Variants in HIVEP1 observed in about 807,000 individuals in gnomAD.
HIVEP1 encodes zinc finger protein 40.
A neutral mutation model predicts 180.0 loss-of-function variants in HIVEP1; 36 were observed. The ratio of observed to expected loss-of-function variants is 0.20; its 90% CI spans 0.15 to 0.26. HIVEP1 has a LOEUF of 0.26. Among genes scored for constraint, HIVEP1 ranks in the 10% least tolerant of loss-of-function variants. HIVEP1 has a pLI of 1.00. For missense variants in HIVEP1, 3,143 were observed against 3,268.7 expected (o/e 0.96, Z 0.94); for synonymous variants, 1,239 against 1,239.0 (o/e 1.00, Z 0.00).
chr6:12,187,677 C>G, the HIVEP1 span, among the ~76,000 whole-genome samples: 1 of 150,988 alleles, frequency 6.6e-6, no homozygotes, highest in Non-Finnish European at 1.5e-5. Flanking sequence ...ACTGCAACCT[C>G]TGACTCCAGG....
downstream of HIVEP1, among the ~76,000 whole-genome samples, chr6:12,168,660 C>T (rs1760823192): frequency 6.6e-6 from 1 of 151,714 alleles, no homozygotes; most frequent in African/African-American, 2.4e-5. Context: ...TCTTATGATG[C>T]TGGGCAGCAG....
At chr6:12,049,707 A>G (rs1452631557) in intron 2 of HIVEP1, among the ~76,000 whole-genome samples, 3 of 152,258 alleles carry the variant, frequency 2.0e-5, no homozygotes, top group Non-Finnish European at 4.4e-5. Flanking sequence ...AAACTTATTT[A>G]AAAACAAATT....
At chr6:12,022,143 T>C (rs971966605) in intron 2 of HIVEP1, among the ~76,000 whole-genome samples, 1 of 152,234 alleles carries the variant, frequency 6.6e-6, no homozygotes, top group African/African-American at 2.4e-5. Flanking sequence ...TTGTTAACTT[T>C]TGTTTTATAT....
chr6:12,126,882 A>G (rs1194387484), intron 4 of HIVEP1, among the ~76,000 whole-genome samples: 3 of 152,018 alleles, frequency 2.0e-5, no homozygotes, highest in Non-Finnish European at 4.4e-5. Context: ...TTTTCGAGAC[A>G]GAATCTCACT....
Position 12,163,971 on chromosome 6 carries a change from C to T in HIVEP1, c.7667C>T (p.Pro2556Leu). The T allele has an allele frequency of 6.2e-7, 1 of 1,614,096 alleles. No homozygotes were observed. Among genetic ancestry groups the T allele is most frequent in the South Asian group, 1.1e-5 (1 of 91,082 alleles). The change falls in exon 9 of 9, where the codon CCC (proline) becomes CTC (leucine). Residue 2556 changes from proline (P) to leucine (L), a missense_variant. By Grantham distance (98) the Pro-to-Leu change is moderately conservative. Transcript: ENST00000379388. ...ILNIALPTLI[P>L]SVSQVAVDAQ... The stretch of plus-strand genomic sequence containing the variant: ...AACATAGCATTGCCCACCTTAATCC[C>T]CTCAGTCAGTCAAGTAGCCGTTGAT...
chr6:12,066,706 C>G (rs1298286354), intron 2 of HIVEP1, among the ~76,000 whole-genome samples: 1 of 152,120 alleles, frequency 6.6e-6, no homozygotes, highest in South Asian at 2.1e-4. Context: ...TAAATTTTAT[C>G]ATAAATAAAT....
At position 12,129,773 on chromosome 6, in the gene HIVEP1, T is replaced by C; in HGVS notation, c.6090T>C (p.Asn2030=). ...TTTCCTTTCAGAGAGCATTAGGTAA[T>C]CAAAAGTCCACAGTAGTTGAATTCA... The part of the protein sequence containing the change: ...KSSLSKRALG[N]QKSTVVEFSN... Residue 2030 remains asparagine, a synonymous_variant, in exon 5 of 9, where the codon AAT becomes AAC. Coordinates refer to ENST00000379388, the MANE Select transcript of HIVEP1 (RefSeq NM_002114.4). 1 of 1,604,654 alleles carries C rather than the reference T, an allele frequency of 6.2e-7. No individual in the cohort carries two copies. The highest frequency in any genetic ancestry group is 8.5e-7 in the Non-Finnish European group (1 of 1,171,686).
Position 12,089,167 on chromosome 6 carries a change from TTC to T in HIVEP1, c.41-13_41-12del, listed in dbSNP as rs1773296166. The T allele has an allele frequency of 7.2e-7, 1 of 1,392,380 alleles. No individual in the cohort carries two copies. The highest frequency in any genetic ancestry group is 1.4e-5 in the African/African-American group (1 of 69,864). The allele number at this position is 1,392,380 out of a possible 1,614,324, so 86.3% of individuals were successfully genotyped here. ...TTAAGGTAAATTAATTTATAAATTT[TTC>T]TCTGTTTTTCTTAGACAAAATTGAA... On this transcript the variant is annotated splice_polypyrimidine_tract_variant and intron_variant, in intron 2 of 8. Transcript: ENST00000379388.
the HIVEP1 span, among the ~76,000 whole-genome samples, chr6:12,195,866 T>C: frequency 5.9e-5 from 9 of 152,372 alleles, no homozygotes; most frequent in East Asian, 1.5e-3. Context: ...AAGAAGTTTC[T>C]AGTAGAACTA....
chr6:12,187,802 T>A, the HIVEP1 span, among the ~76,000 whole-genome samples: 7 of 152,128 alleles, frequency 4.6e-5, no homozygotes, highest in African/African-American at 1.4e-4. Context: ...GCCAGGCTGG[T>A]CTTGAACCCC....
In HIVEP1 at chr6:12,089,250, C is replaced by A. The variant is rs775984489; in HGVS notation, c.94+13C>A. ...GTTTCAAAAAAAGGTAAATTAAAAT[C>A]AGCTTGAATGTAAACTTTATTCTTG... On this transcript the variant is annotated intron_variant, in intron 3 of 8. Coordinates refer to ENST00000379388, the MANE Select transcript of HIVEP1 (RefSeq NM_002114.4). The A allele has an allele frequency of 8.7e-6, 13 of 1,492,490 alleles. No individual in the cohort carries two copies. In the African/African-American group the frequency reaches 1.8e-4, roughly 21 times the overall value. The allele number at this position is 1,492,490 out of a possible 1,614,324, so 92.5% of individuals were successfully genotyped here.
chr6:12,038,012 G>C, intron 2 of HIVEP1: 1 of 368,458 alleles, frequency 2.7e-6, no homozygotes, highest in Non-Finnish European at 4.8e-6. Flanking sequence ...ACCGCACCTA[G>C]TCTGTGGTTT....
At chr6:12,159,881 T>C (rs759083922) in intron 7 of HIVEP1, among the ~76,000 whole-genome samples, 13 of 152,252 alleles carry the variant, frequency 8.5e-5, no homozygotes, top group Admixed American at 2.6e-4. Context: ...CAAGTTCTTT[T>C]CATCCCCTAG....
intron 2 of HIVEP1, among the ~76,000 whole-genome samples, chr6:12,054,967 T>C (rs1261640737): frequency 1.3e-5 from 2 of 152,252 alleles, no homozygotes; most frequent in Non-Finnish European, 2.9e-5. Flanking sequence ...TCTCGTGAGA[T>C]GTAGATTGTC....
chr6:12,020,890 C>CTTTTTTTTTTTTTTT (rs70981658), intron 2 of HIVEP1, among the ~76,000 whole-genome samples: 7 of 105,778 alleles, frequency 6.6e-5, no homozygotes, highest in Non-Finnish European at 9.1e-5. Flanking sequence ...TTCTTTCTTT[C>CTTTTTTTTTTTTTTT]TTTTTTTTTT....
rs1390620761 is a variant in HIVEP1, at chr6:12,122,247, G to A, written c.2452G>A (p.Glu818Lys). 2 of 1,614,056 alleles carry A rather than the reference G, an allele frequency of 1.2e-6. No homozygotes were observed. Among genetic ancestry groups the A allele is most frequent in the Non-Finnish European group, 8.5e-7 (1 of 1,180,034 alleles). ...DIPKSPFTPT[E>K]KSKQVFLLSV... ...ACCGAAGTCACCTTTCACCCCTACT[G>A]AAAAATCAAAGCAAGTGTTTCTTCT... Residue 818 changes from glutamate (E) to lysine (K), a missense_variant, in exon 4 of 9, where the codon GAA (glutamate) becomes AAA (lysine). By Grantham distance (56) the Glu-to-Lys change is moderately conservative. Coordinates refer to ENST00000379388, the MANE Select transcript of HIVEP1 (RefSeq NM_002114.4).
intron 2 of HIVEP1, among the ~76,000 whole-genome samples, chr6:12,029,357 G>A (rs562535830): frequency 5.9e-5 from 9 of 152,282 alleles, no homozygotes; most frequent in East Asian, 5.8e-4. Context: ...TGTGGACAGC[G>A]TGTTGCCGCG....
chr6:12,083,741 A>G (rs1347470420), intron 2 of HIVEP1, among the ~76,000 whole-genome samples: 1 of 152,198 alleles, frequency 6.6e-6, no homozygotes, highest in Non-Finnish European at 1.5e-5. Flanking sequence ...TTGAAACATT[A>G]AAGATAGATA....
the HIVEP1 span, among the ~76,000 whole-genome samples, chr6:12,201,488 A>G: frequency 7.5e-6 from 1 of 133,734 alleles, no homozygotes; most frequent in African/African-American, 2.5e-5. Context: ...ACAAACAAAC[A>G]AACAAACAAA....
Sources: gnomAD v4.1 joint callset for allele counts (sites outside exome capture counted in the v4.1 genomes callset) on GRCh38, gnomAD v4.1.1 for gene constraint, MANE v1.5 for transcripts, NCBI Gene and HGNC (gene_info 2026-07-23, HGNC 2026-07-21) for gene names.